Variants in CACNB2 observed in about 807,000 individuals in gnomAD.
CACNB2 encodes the protein voltage-dependent L-type calcium channel subunit beta-2.
CACNB2 carries 42 observed loss-of-function variants against 73.3 expected under a neutral mutation model. The ratio of observed to expected loss-of-function variants is 0.57; its 90% confidence interval spans 0.45 to 0.74. The LOEUF (loss-of-function observed/expected upper bound fraction) is 0.74. Ranked by LOEUF, CACNB2 falls within the 30% of genes least tolerant of loss-of-function variation. The pLI is 0.00. For synonymous variants in CACNB2, 348 were observed against 310.3 expected (o/e 1.12, Z -1.28); for missense variants, 940 against 853.0 (o/e 1.10, Z -1.27).
At chr10:18,220,228 T>TGGGGGGGGG (rs1564353844) in intron 2 of CACNB2, among the ~76,000 whole-genome samples, 3 of 40,940 alleles carry the variant, frequency 7.3e-5, no homozygotes, top group African/African-American at 6.4e-4. Context: ...TATATATATA[T>TGGGGGGGGG]ATATAGAGAG....
chr10:18,539,790 A>ATC lies in CACNB2; in HGVS notation c.*66_*67insTC. ...CTTGTATAACTAACAGCATCCCCAA[A>ATC]ACAAAGTCTTTGGGGTCTACACTGC... is the stretch of plus-strand genomic sequence containing the variant. On this transcript the variant is annotated 3_prime_UTR_variant, in exon 14 of 14. Coordinates refer to ENST00000324631, the MANE Select transcript of CACNB2 (RefSeq NM_201596.3). 1 of 1,504,390 alleles carries ATC rather than the reference A, an allele frequency of 6.6e-7. No homozygotes were observed. The highest frequency in any genetic ancestry group is 9.0e-7 in the Non-Finnish European group (1 of 1,116,944). The allele number at this position is 1,504,390 out of a possible 1,614,324, so 93.2% of individuals were successfully genotyped here.
At chr10:18,365,764 C>G (rs2042320167) in intron 2 of CACNB2, among the ~76,000 whole-genome samples, 1 of 152,028 alleles carries the variant, frequency 6.6e-6, no homozygotes, top group Non-Finnish European at 1.5e-5. Context: ...CTCCATTATT[C>G]CTTATTTGGA....
At chr10:18,347,317 A>G (rs2041501256) in intron 2 of CACNB2, among the ~76,000 whole-genome samples, 1 of 148,888 alleles carries the variant, frequency 6.7e-6, no homozygotes. Flanking sequence ...AGCTGGGACT[A>G]CAGGCGCATG....
intron 3 of CACNB2, among the ~76,000 whole-genome samples, chr10:18,437,467 T>C (rs567679315): frequency 6.6e-6 from 1 of 152,256 alleles, no homozygotes; most frequent in African/African-American, 2.4e-5. Flanking sequence ...AACACATATT[T>C]TGTGTGTTAT....
At chr10:18,359,519 C>A (rs180725016) in intron 2 of CACNB2, among the ~76,000 whole-genome samples, 2 of 152,168 alleles carry the variant, frequency 1.3e-5, no homozygotes, top group African/African-American at 4.8e-5. Flanking sequence ...AGTGATCCAC[C>A]CACCTTGGCC....
chr10:18,440,255 C>T (rs1377629370), intron 3 of CACNB2, among the ~76,000 whole-genome samples: 1 of 152,164 alleles, frequency 6.6e-6, no homozygotes, highest in African/African-American at 2.4e-5. Context: ...GTTAAAGCCC[C>T]ACCTGCTGAT....
At chr10:18,182,502 C>T in intron 2 of CACNB2, among the ~76,000 whole-genome samples, 1 of 149,406 alleles carries the variant, frequency 6.7e-6, no homozygotes, top group Non-Finnish European at 1.5e-5. Flanking sequence ...AAAGGAAAAG[C>T]ATTTCAGGAA....
At position 18,244,142 on chromosome 10, in the gene CACNB2, C is replaced by T. The variant is rs372899891; in HGVS notation, c.213+93167C>T. Reference sequence around the variant, plus strand: ...ATGCCAGGCCTGCTTCTCCATAGTGCAGTGTCTTTGATATTTACTGCAATG... The same window carrying T: ...ATGCCAGGCCTGCTTCTCCATAGTGTAGTGTCTTTGATATTTACTGCAATG... On this transcript the variant is annotated intron_variant, in intron 2 of 13. Transcript: ENST00000324631. Among the ~76,000 whole-genome samples the T allele has an allele frequency of 3.3e-5, 5 of 152,262 alleles. No individual in the cohort carries two copies. The East Asian group carries it at 5.8e-4, about 18-fold the overall frequency.
intron 2 of CACNB2, among the ~76,000 whole-genome samples, chr10:18,217,957 C>G (rs2035579454): frequency 2.0e-5 from 3 of 152,118 alleles, no homozygotes; most frequent in Admixed American, 2.0e-4. Flanking sequence ...GTAAGAATTT[C>G]ACACTACTAG....
chr10:18,519,658 C>T (rs1329669905), intron 9 of CACNB2: 1 of 452,148 alleles, frequency 2.2e-6, no homozygotes, highest in South Asian at 1.6e-5. Context: ...AATGTTAATT[C>T]CTATCACATT....
At chr10:18,372,466 G>A (rs958475759) in intron 2 of CACNB2, among the ~76,000 whole-genome samples, 3 of 152,130 alleles carry the variant, frequency 2.0e-5, no homozygotes, top group Admixed American at 6.5e-5. Context: ...AGAGTGCAAC[G>A]GAGTATCTCG....
intron 2 of CACNB2, among the ~76,000 whole-genome samples, chr10:18,197,199 A>C (rs867896359): frequency 6.6e-6 from 1 of 152,078 alleles, no homozygotes; most frequent in African/African-American, 2.4e-5. Flanking sequence ...TTCTTCTAGC[A>C]CCTAGCATTT....
chr10:18,506,474 A>C lies in CACNB2; in HGVS notation c.597A>C (p.Lys199Asn), dbSNP rs1362947413. ...RAKQGKFYSS[K>N]SGGNSSSSLG... ...AGAAATTTTTGCTTTACTCCAGTAA[A>C]TCAGGAGGAAATTCATCATCCAGTT... The change falls in exon 6 of 14, where the codon AAA becomes AAC. Residue 199 changes from lysine to asparagine, a missense_variant. Lys to Asn is a moderately conservative substitution (Grantham distance 94). Transcript: ENST00000324631. 2 of 1,605,536 alleles carry C rather than the reference A, an allele frequency of 1.2e-6. No individual in the cohort carries two copies. The highest frequency in any genetic ancestry group is 2.7e-5 in the African/African-American group (2 of 74,768).
At chr10:18,237,305 C>G (rs967863185) in intron 2 of CACNB2, among the ~76,000 whole-genome samples, 2 of 152,150 alleles carry the variant, frequency 1.3e-5, no homozygotes, top group African/African-American at 4.8e-5. Flanking sequence ...TTAGATTTTA[C>G]TCAATTAGGG....
intron 3 of CACNB2, among the ~76,000 whole-genome samples, chr10:18,479,993 T>G (rs2048640502): frequency 1.3e-5 from 2 of 152,192 alleles, no homozygotes; most frequent in East Asian, 3.9e-4. Flanking sequence ...TTCATTCAGC[T>G]TGGCTTTGAG....
At chr10:18,367,861 A>T (rs770811815) in intron 2 of CACNB2, among the ~76,000 whole-genome samples, 2 of 152,316 alleles carry the variant, frequency 1.3e-5, no homozygotes, top group Non-Finnish European at 1.5e-5. Context: ...TGCTTCCTTA[A>T]TATCTTATTG....
At position 18,259,570 on chromosome 10, in the gene CACNB2, A is replaced by AAAAAAAAAAAGAAAAC. The variant is rs1554779378; in HGVS notation, c.213+108600_213+108601insAAAAAGAAAACAAAAA. Reference sequence around the variant, plus strand: ...AAAAAAAACAAAAAACAAACAAAAAAAAAAAGTAAAAGTAGCCAGGCATGG... The same window carrying AAAAAAAAAAAGAAAAC: ...AAAAAAAACAAAAAACAAACAAAAAAAAAAAAAAAAGAAAACAAAAAGTAAAAGTAGCCAGGCATGG... On this transcript the variant is annotated intron_variant, in intron 2 of 13. Transcript: ENST00000324631. 2.4e-3 allele frequency among the ~76,000 whole-genome samples: 278 copies of AAAAAAAAAAAGAAAAC among 116,866 alleles called. 17 individuals carry two copies. The highest frequency in any genetic ancestry group is 2.7e-3 in the Non-Finnish European group (154 of 56,386). The allele number at this position is 116,866 out of a possible 152,430, so 76.7% of individuals were successfully genotyped here. A position where few individuals can be genotyped will look rare whatever the true frequency, so the allele number is the denominator to read the frequency against.
At chr10:18,479,705 C>T (rs1323561724) in intron 3 of CACNB2, among the ~76,000 whole-genome samples, 1 of 151,990 alleles carries the variant, frequency 6.6e-6, no homozygotes, top group African/African-American at 2.4e-5. Context: ...CTCTCGCTCG[C>T]TCGCTCTCTC....
At chr10:18,170,834 A>G (rs893068862) in intron 2 of CACNB2, among the ~76,000 whole-genome samples, 2 of 152,250 alleles carry the variant, frequency 1.3e-5, no homozygotes, top group South Asian at 2.1e-4. Context: ...CCACAATACT[A>G]GACATCTTAG....
Sources: gnomAD v4.1 joint callset for allele counts (sites outside exome capture counted in the v4.1 genomes callset) on GRCh38, gnomAD v4.1.1 for gene constraint, MANE v1.5 for transcripts, NCBI Gene and HGNC (gene_info 2026-07-23, HGNC 2026-07-21) for gene names.